Variants in P3H4 observed in about 807,000 individuals in gnomAD.
The protein encoded by P3H4 is endoplasmic reticulum protein SC65.
Under a neutral mutation model 52.9 loss-of-function variants are expected in P3H4, and 47 were observed. That is an observed-to-expected ratio of 0.89 (90% CI 0.70 to 1.13). P3H4 has a LOEUF of 1.13. Ranked by LOEUF, P3H4 falls within the 50% of genes most tolerant of loss-of-function variation. The pLI, the probability that P3H4 is intolerant of heterozygous loss-of-function variation, is 0.00. For missense variants in P3H4, 585 were observed against 611.0 expected, an observed-to-expected ratio of 0.96 and a Z score of 0.45; for synonymous variants, 256 against 267.9, an observed-to-expected ratio of 0.96 and a Z score of 0.44.
Position 41,811,129 on chromosome 17 carries a change from C to T in P3H4, c.615+3G>A, listed in dbSNP as rs782272692. On this transcript the variant is annotated splice_donor_region_variant and intron_variant, in intron 2 of 7. Transcript: ENST00000393928. The surrounding 1 kb of genome is among the most constrained non-coding windows in gnomAD (Gnocchi z 4.8). ...CAAGCCTCCTCCTGACCCTCCACCC[C>T]ACCTCGTAGGGCTGGGCCTCTAGGT... The T allele has an allele frequency of 4.3e-6, 7 of 1,614,032 alleles. No homozygotes were observed. The highest frequency in any genetic ancestry group is 2.2e-5 in the East Asian group (1 of 44,896).
chr17:41,806,341 C>T lies in P3H4; in HGVS notation c.1146+455G>A, dbSNP rs143299830. ...CAAACTCAGTTTCTGAGCCCAGGCT[C>T]TGTGCAGGATGTGGGAGAACAGGGA... is the stretch of plus-strand genomic sequence containing the variant. On this transcript the variant is annotated intron_variant, in intron 6 of 7. Coordinates refer to ENST00000393928, the MANE Select transcript of P3H4 (RefSeq NM_006455.3). Among the ~76,000 whole-genome samples the T allele has an allele frequency of 2.2e-4, 33 of 152,340 alleles. No individual in the cohort carries two copies. The East Asian group carries it at 5.8e-3, about 27-fold the overall frequency.
chr17:41,806,942 C>G (rs1416385853), intron 5 of P3H4, 63 bp from the exon 6 acceptor site: 14 of 1,334,578 alleles, frequency 1.0e-5, no homozygotes, highest in Non-Finnish European at 1.1e-6. Flanking sequence ...GGCAAGAAGC[C>G]AGGGCTCCTA....
chr17:41,811,853 C>G lies in P3H4; in HGVS notation c.63G>C (p.Glu21Asp), dbSNP rs1555615301. ...LLLGSAGAQYEKYSFRGFPPE... is the reference protein window; with the variant it reads ...LLLGSAGAQYDKYSFRGFPPE... The stretch of plus-strand genomic sequence containing the variant: ...GCGGGAAGCCCCGGAAGCTGTACTT[C>G]TCGTACTGCGCCCCGGCGCTGCCCA... The change falls in exon 1 of 8, where the codon GAG becomes GAC. Residue 21 changes from glutamate (E) to aspartate (D), a missense_variant. Physicochemically the swap from Glu to Asp is conservative, Grantham distance 45. Coordinates refer to ENST00000393928, the MANE Select transcript of P3H4 (RefSeq NM_006455.3). This position sits in a 1 kb window ranked among gnomAD's most constrained non-coding sequence, Gnocchi z 4.8. The G allele has an allele frequency of 2.6e-6, 4 of 1,547,466 alleles. No individual in the cohort carries two copies. Among genetic ancestry groups the G allele is most frequent in the Non-Finnish European group, 3.5e-6 (4 of 1,157,680 alleles).
At chr17:41,810,424 G>A (rs921476940) in intron 3 of P3H4, among the ~76,000 whole-genome samples, 3 of 151,822 alleles carry the variant, frequency 2.0e-5, no homozygotes, top group African/African-American at 4.8e-5. Flanking sequence ...TGCCTGCCTC[G>A]GCCTCCCAGA....
chr17:41,803,789 G>A (rs1249973187), intron 6 of P3H4, among the ~76,000 whole-genome samples: 5 of 152,108 alleles, frequency 3.3e-5, no homozygotes, highest in African/African-American at 1.2e-4. Flanking sequence ...TGCGTAGCCC[G>A]CACTAATCCC....
rs1176994789 is a variant in P3H4 at position 41,802,553 on chromosome 17, C to G, written c.*404G>C. 4.9e-6 allele frequency: 1 copy of G among 202,786 alleles called. No homozygotes were observed. The highest frequency in any genetic ancestry group is 9.4e-6 in the Non-Finnish European group (1 of 106,696). 12.6% of individuals were successfully genotyped at this position (202,786 alleles called of 1,614,324 possible). A position where few individuals can be genotyped will look rare whatever the true frequency, so the allele number is the denominator to read the frequency against. On this transcript the variant is annotated 3_prime_UTR_variant, in exon 8 of 8. Coordinates refer to ENST00000393928, the MANE Select transcript of P3H4 (RefSeq NM_006455.3). ...ACAGGCGTGAGCCACCGTGCCGGCC[C>G]GTCTTGTTTTTTTTTAAAGATGGAG...
Position 41,809,826 on chromosome 17 carries a change from CAA to C in P3H4, c.794_795del (p.Phe265CysfsTer11). On this transcript the variant is annotated frameshift_variant, in exon 4 of 8. Coordinates refer to ENST00000393928, the MANE Select transcript of P3H4 (RefSeq NM_006455.3). LOFTEE classifies it high-confidence loss of function. The part of the protein sequence containing the change: ...KDFYPAIADL[F>X]AESLQCKVDC... Reference sequence around the variant, plus strand: ...TCCACCTTGCACTGCAGGGACTCTGCAAAGAGATCTGAGGGTGGGAGGCAGCA... The same window carrying C: ...TCCACCTTGCACTGCAGGGACTCTGCAGAGATCTGAGGGTGGGAGGCAGCA... The C allele has an allele frequency of 6.2e-7, 1 of 1,611,420 alleles. No homozygotes were observed. The highest frequency in any genetic ancestry group is 1.1e-5 in the South Asian group (1 of 90,432).
rs782349598 is a variant in P3H4, at chr17:41,811,336, G to A, written c.463-52C>T. 1 of 1,608,380 alleles carries A rather than the reference G, an allele frequency of 6.2e-7. No homozygotes were observed. Among genetic ancestry groups the A allele is most frequent in the South Asian group, 1.1e-5 (1 of 90,930 alleles). The stretch of plus-strand genomic sequence containing the variant: ...GCGGGTCAGCAAGACCGGAGCTCGC[G>A]GCCCCGAGCGCACGGCGGGCTTCGT... On this transcript the variant is annotated intron_variant, in intron 1 of 7. Transcript: ENST00000393928. The surrounding 1 kb of genome is among the most constrained non-coding windows in gnomAD (Gnocchi z 4.8).
In P3H4 at chr17:41,811,277, C is replaced by G. The variant is rs781861853; in HGVS notation, c.470G>C (p.Arg157Pro). ...YLHYALFKANRLEKAVAAAYT... is the reference protein window; with the variant it reads ...YLHYALFKANPLEKAVAAAYT... Reference sequence around the variant, plus strand: ...GGCCGCCGCCACCGCCTTCTCCAGCCGGTTAGCCTGGTCGGGGGGTAGGGG... The same window carrying G: ...GGCCGCCGCCACCGCCTTCTCCAGCGGGTTAGCCTGGTCGGGGGGTAGGGG... Residue 157 changes from arginine to proline, a missense_variant, in exon 2 of 8, where the codon CGG (arginine) becomes CCG (proline). By Grantham distance (103) the Arg-to-Pro change is moderately radical. Transcript: ENST00000393928. The surrounding 1 kb of genome is among the most constrained non-coding windows in gnomAD (Gnocchi z 4.8). The G allele has an allele frequency of 1.9e-6, 3 of 1,613,184 alleles. No homozygotes were observed. The highest frequency in any genetic ancestry group is 2.5e-6 in the Non-Finnish European group (3 of 1,179,946).
At chr17:41,804,348 A>G (rs1555613906) in intron 6 of P3H4, among the ~76,000 whole-genome samples, 20 of 149,310 alleles carry the variant, frequency 1.3e-4, no homozygotes, top group Non-Finnish European at 1.5e-4. Flanking sequence ...GCCATACGCC[A>G]GGCGTGGTGG....
Position 41,803,267 on chromosome 17 carries a change from C to CA in P3H4, c.1291+19dup. The CA allele has an allele frequency of 1.2e-6, 2 of 1,607,598 alleles. No homozygotes were observed. The highest frequency in any genetic ancestry group is 1.7e-6 in the Non-Finnish European group (2 of 1,176,660). On this transcript the variant is annotated intron_variant, in intron 7 of 7. Transcript: ENST00000393928. ...CATCCCAGGCTGCATCCCCACCCCC[C>CA]AAGGACTCGTGTCACTGACCAGCCT...
chr17:41,803,252 T>C, intron 7 of P3H4, 35 bp downstream of exon 7: 1 of 1,596,278 alleles, frequency 6.3e-7, no homozygotes. Flanking sequence ...CATCCCAGGC[T>C]GCATCCCCAC....
chr17:41,805,340 T>C (rs2047663444), intron 6 of P3H4, among the ~76,000 whole-genome samples: 2 of 141,816 alleles, frequency 1.4e-5, no homozygotes, highest in African/African-American at 5.1e-5. Context: ...TCTTTCTCTT[T>C]TTTCGAGACA....
At position 41,811,408 on chromosome 17, in the gene P3H4, C is replaced by A; in HGVS notation, c.462+46G>T. 1 of 1,608,526 alleles carries A rather than the reference C, an allele frequency of 6.2e-7. No homozygotes were observed. Among genetic ancestry groups the A allele is most frequent in the Non-Finnish European group, 8.5e-7 (1 of 1,177,168 alleles). On this transcript the variant is annotated intron_variant, in intron 1 of 7. Coordinates refer to ENST00000393928, the MANE Select transcript of P3H4 (RefSeq NM_006455.3). This position sits in a 1 kb window ranked among gnomAD's most constrained non-coding sequence, Gnocchi z 4.8. ...CCTTCGACCGATCTGTGGGGAGCCA[C>A]GACGCCCAGCCCGAGACAGGTCCCC...
Position 41,803,269 on chromosome 17 carries a change from AG to A in P3H4, c.1291+17del. The A allele has an allele frequency of 6.2e-7, 1 of 1,608,232 alleles. No individual in the cohort carries two copies. Among genetic ancestry groups the A allele is most frequent in the Non-Finnish European group, 8.5e-7 (1 of 1,177,026 alleles). ...TCCCAGGCTGCATCCCCACCCCCCA[AG>A]GACTCGTGTCACTGACCAGCCTCGG... On this transcript the variant is annotated intron_variant, in intron 7 of 7. Coordinates refer to ENST00000393928, the MANE Select transcript of P3H4 (RefSeq NM_006455.3).
Position 41,811,664 on chromosome 17 carries a change from C to T in P3H4, c.252G>A (p.Ala84=), listed in dbSNP as rs1320946993. The T allele has an allele frequency of 2.1e-6, 3 of 1,427,580 alleles. No homozygotes were observed. The highest frequency in any genetic ancestry group is 2.7e-6 in the Non-Finnish European group (3 of 1,102,358). The allele number at this position is 1,427,580 out of a possible 1,614,324, so 88.4% of individuals were successfully genotyped here. A position where few individuals can be genotyped will look rare whatever the true frequency, so the allele number is the denominator to read the frequency against. Residue 84 remains alanine (A), a synonymous_variant, in exon 1 of 8, where the codon GCG becomes GCA. Transcript: ENST00000393928. This position sits in a 1 kb window ranked among gnomAD's most constrained non-coding sequence, Gnocchi z 4.8. ...AFCHANCSGP[A]PAAKPDPDGG... is the part of the protein sequence containing the mutation. ...CGTCGGGATCGGGCTTGGCCGCGGG[C>T]GCGGGGCCGCTGCAGTTGGCGTGGC... is the stretch of plus-strand genomic sequence containing the variant.
Position 41,810,975 on chromosome 17 carries a change from C to A in P3H4, c.675G>T (p.Glu225Asp). Reference sequence around the variant, plus strand: ...ACTCTGACAAGGCCCGCTCCATGTCCTCCGTGCTGCTGCGGAAATCCCCGC... The same window carrying A: ...ACTCTGACAAGGCCCGCTCCATGTCATCCGTGCTGCTGCGGAAATCCCCGC... Reference protein sequence around the residue: ...YNSGDFRSSTEDMERALSEYL... With the variant: ...YNSGDFRSSTDDMERALSEYL... Residue 225 changes from glutamate (E) to aspartate (D), a missense_variant, in exon 3 of 8, where the codon GAG becomes GAT. Coordinates refer to ENST00000393928, the MANE Select transcript of P3H4 (RefSeq NM_006455.3). 2 of 1,614,194 alleles carry A rather than the reference C, an allele frequency of 1.2e-6. No homozygotes were observed. The highest frequency in any genetic ancestry group is 4.5e-5 in the East Asian group (2 of 44,884).
At position 41,810,952 on chromosome 17, in the gene P3H4, T is replaced by A. The variant is rs782787904; in HGVS notation, c.698A>T (p.Glu233Val). 5.6e-6 allele frequency: 9 copies of A among 1,614,182 alleles called. No individual in the cohort carries two copies. The highest frequency in any genetic ancestry group is 7.6e-6 in the Non-Finnish European group (9 of 1,180,034). Residue 233 changes from glutamate (E) to valine (V), a missense_variant, in exon 3 of 8, where the codon GAG (glutamate) becomes GTG (valine). Physicochemically the swap from Glu to Val is moderately radical, Grantham distance 121. Transcript: ENST00000393928. ...GCACCGGGCAAAGACTGCCAGGTACTCTGACAAGGCCCGCTCCATGTCCTC... is the reference window on the plus strand; with the variant it reads ...GCACCGGGCAAAGACTGCCAGGTACACTGACAAGGCCCGCTCCATGTCCTC... ...STEDMERALS[E>V]YLAVFARCLA...
At chr17:41,804,054 C>T (rs1228044800) in intron 6 of P3H4, among the ~76,000 whole-genome samples, 1 of 151,850 alleles carries the variant, frequency 6.6e-6, no homozygotes, top group Non-Finnish European at 1.5e-5. Context: ...TGGGTTCACG[C>T]CATTCTCCTG....
Sources: gnomAD v4.1 joint callset for allele counts (sites outside exome capture counted in the v4.1 genomes callset) on GRCh38, gnomAD v4.1.1 for gene constraint, Gnocchi (gnomAD v3.1) non-coding constraint, MANE v1.5 for transcripts, NCBI Gene and HGNC (gene_info 2026-07-23, HGNC 2026-07-21) for gene names.